The following ZNF565 variants were observed in gnomAD, a reference collection of about 807,000 sequenced individuals.
ZNF565 encodes zinc finger protein 565.
A neutral mutation model predicts 39.4 loss-of-function variants in ZNF565; 27 were observed. That is an observed-to-expected ratio of 0.69 (90% CI 0.51 to 0.95). ZNF565 has a LOEUF of 0.95. Ranked by LOEUF, ZNF565 falls within the 40% of genes least tolerant of loss-of-function variation. The probability of loss-of-function intolerance (pLI) is 0.00; values close to 1 mark genes in which losing one functional copy is unlikely to be tolerated. For missense variants in ZNF565, 524 were observed against 621.1 expected (o/e 0.84, Z 1.66); for synonymous variants, 185 against 216.6 (o/e 0.85, Z 1.28).
At chr19:36,211,370 G>A (rs1976349163) in intron 1 of ZNF565, among the ~76,000 whole-genome samples, 1 of 151,568 alleles carries the variant, frequency 6.6e-6, no homozygotes, top group South Asian at 2.1e-4. Flanking sequence ...TTGAATCCAG[G>A]AGGCAGAGGC....
chr19:36,208,075 G>C (rs916431306), intron 1 of ZNF565, among the ~76,000 whole-genome samples: 1 of 152,078 alleles, frequency 6.6e-6, no homozygotes, highest in African/African-American at 2.4e-5. Context: ...ATATGAGAAA[G>C]AGCAATTTTT....
intron 1 of ZNF565, among the ~76,000 whole-genome samples, chr19:36,235,029 C>G (rs1315949896): frequency 1.3e-5 from 2 of 151,812 alleles, no homozygotes; most frequent in East Asian, 3.9e-4. Flanking sequence ...GTTGGTTGAT[C>G]TATTCCTTTT....
intron 1 of ZNF565, among the ~76,000 whole-genome samples, chr19:36,244,548 T>C (rs1977848134): frequency 6.7e-6 from 1 of 150,254 alleles, no homozygotes; most frequent in Non-Finnish European, 1.5e-5. Context: ...AGAAAAAGTT[T>C]ATTAATTTTT....
At chr19:36,235,926 C>G (rs1977628730) in intron 1 of ZNF565, 1 of 152,528 alleles carries the variant, frequency 6.6e-6, no homozygotes, top group Non-Finnish European at 1.5e-5. Flanking sequence ...AGCTTCTCTA[C>G]CACAGCTTAC....
rs1475988686 is a variant in ZNF565, at chr19:36,245,677, C to T, written c.-147G>A. 3 of 660,780 alleles carry T rather than the reference C, an allele frequency of 4.5e-6. No homozygotes were observed. Among genetic ancestry groups the T allele is most frequent in the Non-Finnish European group, 8.2e-6 (3 of 364,348 alleles). The allele number at this position is 660,780 out of a possible 1,614,324, so 40.9% of individuals were successfully genotyped here. On this transcript the variant is annotated 5_prime_UTR_variant, in exon 1 of 5. Coordinates refer to the ZNF565 transcript ENST00000355114. The surrounding 1 kb of genome is among the most constrained non-coding windows in gnomAD (Gnocchi z 4.4). ...TCTCTGGTGCCCGGGTGAATGGGTT[C>T]AGGGTCTCTTAAGGACCCTCCGTTG...
intron 1 of ZNF565, chr19:36,236,126 G>A (rs1036399740): frequency 1.1e-5 from 3 of 269,494 alleles, no homozygotes; most frequent in African/African-American, 6.7e-5. Flanking sequence ...TGCTTCTAAG[G>A]AGTATTGACA....
intron 1 of ZNF565, among the ~76,000 whole-genome samples, chr19:36,204,411 A>C (rs1194758512): frequency 1.3e-5 from 2 of 152,210 alleles, no homozygotes; most frequent in East Asian, 3.8e-4. Flanking sequence ...CACTGGACTG[A>C]AAGCAAATGG....
intron 1 of ZNF565, among the ~76,000 whole-genome samples, chr19:36,221,927 C>CTTTTTTTTTTTTTTTTTTTT (rs60347994): frequency 9.1e-6 from 1 of 109,914 alleles, no homozygotes; most frequent in African/African-American, 3.5e-5. Context: ...TTTTTTCTTT[C>CTTTTTTTTTTTTTTTTTTTT]TTTTTTTTTT....
chr19:36,240,595 G>A (rs1042322297), intron 1 of ZNF565, among the ~76,000 whole-genome samples: 5 of 152,194 alleles, frequency 3.3e-5, no homozygotes, highest in East Asian at 1.9e-4. Flanking sequence ...GGGGCTGGTC[G>A]TGGTGGCTCA....
At chr19:36,239,439 C>T (rs1164455237) in intron 1 of ZNF565, among the ~76,000 whole-genome samples, 1 of 151,448 alleles carries the variant, frequency 6.6e-6, no homozygotes, top group Non-Finnish European at 1.5e-5. Flanking sequence ...CCTCCGACCT[C>T]AGCCTCCCAA....
chr19:36,185,218 C>T (rs1026587897), intron 4 of ZNF565, among the ~76,000 whole-genome samples: 3 of 151,734 alleles, frequency 2.0e-5, no homozygotes, highest in Non-Finnish European at 4.4e-5. Context: ...TGTTCGAGAT[C>T]AGCCTGACCA....
chr19:36,236,413 T>C (rs1171100150), intron 1 of ZNF565: 18 of 1,563,100 alleles, frequency 1.2e-5, no homozygotes, highest in Non-Finnish European at 1.6e-5. Flanking sequence ...GAGAGAAACC[T>C]TGTGAATGTG....
At chr19:36,191,983 T>A (rs1240008162) in intron 4 of ZNF565, among the ~76,000 whole-genome samples, 1 of 151,540 alleles carries the variant, frequency 6.6e-6, no homozygotes, top group Non-Finnish European at 1.5e-5. Flanking sequence ...TCTTACCAAG[T>A]GATCAAACTG....
chr19:36,234,992 T>C (rs1360473072), intron 1 of ZNF565, among the ~76,000 whole-genome samples: 1 of 152,124 alleles, frequency 6.6e-6, no homozygotes, highest in African/African-American at 2.4e-5. Flanking sequence ...CCTTATAATT[T>C]TAATGGGGTT....
At chr19:36,239,535 G>C (rs1436210687) in intron 1 of ZNF565, among the ~76,000 whole-genome samples, 1 of 152,002 alleles carries the variant, frequency 6.6e-6, no homozygotes, top group Non-Finnish European at 1.5e-5. Context: ...ATATTGCCCA[G>C]ATTAGTCCCA....
At chr19:36,219,434 C>T (rs936440476), upstream of ZNF565, among the ~76,000 whole-genome samples, 14 of 152,148 alleles carry the variant, frequency 9.2e-5, no homozygotes, top group South Asian at 4.1e-4. Context: ...CATCATTATC[C>T]GCTCCTTTGG....
upstream of ZNF565, chr19:36,218,268 G>C (rs953040691): frequency 6.6e-6 from 1 of 151,880 alleles, no homozygotes; most frequent in Non-Finnish European, 1.5e-5. Context: ...TGATTCAAAG[G>C]GTGGTTGTGT....
At position 36,245,393 on chromosome 19, in the gene ZNF565, C is replaced by G; in HGVS notation, c.55+83G>C. 1.4e-6 allele frequency: 1 copy of G among 698,472 alleles called. No homozygotes were observed. Among genetic ancestry groups the G allele is most frequent in the Non-Finnish European group, 2.6e-6 (1 of 382,646 alleles). The allele number at this position is 698,472 out of a possible 1,614,324, so 43.3% of individuals were successfully genotyped here. Reference sequence around the variant, plus strand: ...CTCGAAGGGAGGACAGTCACTGCGACCCGGAAAGCTCCGCGCTTACGACGC... The same window carrying G: ...CTCGAAGGGAGGACAGTCACTGCGAGCCGGAAAGCTCCGCGCTTACGACGC... On this transcript the variant is annotated intron_variant, in intron 1 of 4. Coordinates refer to the ZNF565 transcript ENST00000355114. The surrounding 1 kb of genome is among the most constrained non-coding windows in gnomAD (Gnocchi z 4.4).
chr19:36,232,194 C>CA (rs35069898), intron 1 of ZNF565, among the ~76,000 whole-genome samples: 1,103 of 108,848 alleles, frequency 0.01, 5 homozygotes, highest in Middle Eastern at 0.019. Context: ...GACTCCATCT[C>CA]AAAAAAAAAA....
Sources: allele counts gnomAD v4.1 joint callset (sites outside exome capture counted in the v4.1 genomes callset), GRCh38; gene constraint gnomAD v4.1.1; non-coding constraint Gnocchi (gnomAD v3.1); transcripts MANE v1.5; gene names NCBI Gene and HGNC (gene_info 2026-07-23, HGNC 2026-07-21).